The following JMJD1C variants were observed in gnomAD, a reference collection of about 807,000 sequenced individuals.
The protein encoded by JMJD1C is jumonji domain-containing protein 1C.
A neutral mutation model predicts 245.3 loss-of-function variants in JMJD1C; 31 were observed. The observed-to-expected ratio is 0.13, with a 90% CI of 0.09 to 0.17. JMJD1C has a LOEUF of 0.17. Among genes scored for constraint, JMJD1C ranks in the 10% least tolerant of loss-of-function variants. JMJD1C has a pLI of 1.00. For missense variants in JMJD1C, 2,691 were observed against 3,000.2 expected (o/e 0.90, Z 2.41); for synonymous variants, 1,057 against 1,017.4 (o/e 1.04, Z -0.74).
chr10:63,389,444 CTTTTT>C (rs374747144), intron 1 of JMJD1C, among the ~76,000 whole-genome samples: 4 of 139,910 alleles, frequency 2.9e-5, no homozygotes, highest in African/African-American at 1.0e-4. Flanking sequence ...TTTTGTTTTT[CTTTTT>C]TTTTTCCTTT....
intron 3 of JMJD1C, among the ~76,000 whole-genome samples, chr10:63,250,786 G>C (rs944984473): frequency 2.0e-4 from 30 of 152,080 alleles, no homozygotes; most frequent in African/African-American, 7.2e-4. Context: ...CGTTACCCTG[G>C]CTTGAGTGCA....
intron 3 of JMJD1C, among the ~76,000 whole-genome samples, chr10:63,253,905 ATG>A (rs1853467244): frequency 6.6e-6 from 1 of 151,932 alleles, no homozygotes. Flanking sequence ...TTGTTTTTCT[ATG>A]TGTGTTTCCC....
Position 63,295,957 on chromosome 10 carries a change from ATATGTGTGTG to A in JMJD1C, c.334-31203_334-31194del, listed in dbSNP as rs1174398385. Among the ~76,000 whole-genome samples the A allele has an allele frequency of 1.6e-3, 152 of 94,534 alleles. 5 individuals carry two copies. Among genetic ancestry groups the A allele is most frequent in the African/African-American group, 6.5e-3 (147 of 22,694 alleles). 62.0% of individuals were successfully genotyped at this position (94,534 alleles called of 152,430 possible). On this transcript the variant is annotated intron_variant, in intron 2 of 25. Transcript: ENST00000399262. ...TGTATACATATATATATATACACGT[ATATGTGTGTG>A]TGTGTGTGTGTGTGTGTGTGTGTGT...
chr10:63,510,259 TC>T (rs896383445), intron 1 of JMJD1C, among the ~76,000 whole-genome samples: 3 of 151,992 alleles, frequency 2.0e-5, no homozygotes, highest in Admixed American at 6.6e-5. Context: ...CCCCTCGGCC[TC>T]CCAAAGTGCT....
intron 2 of JMJD1C, among the ~76,000 whole-genome samples, chr10:63,289,037 G>A (rs1359634361): frequency 2.0e-5 from 3 of 151,618 alleles, no homozygotes; most frequent in Admixed American, 2.0e-4. Context: ...CTTAGTTCTT[G>A]CAATAAATTG....
At chr10:63,259,835 C>T (rs949481696) in intron 3 of JMJD1C, among the ~76,000 whole-genome samples, 2 of 152,168 alleles carry the variant, frequency 1.3e-5, no homozygotes, top group African/African-American at 4.8e-5. Flanking sequence ...GTTCAATGTC[C>T]ATACTCTACA....
At chr10:63,222,082 T>C in intron 3 of JMJD1C, 1 of 520,244 alleles carries the variant, frequency 1.9e-6, no homozygotes, top group South Asian at 1.9e-5. Flanking sequence ...GACAGCAAGT[T>C]CTTTTAAAAT....
intron 2 of JMJD1C, among the ~76,000 whole-genome samples, chr10:63,362,544 A>G (rs1324424257): frequency 1.3e-5 from 2 of 151,986 alleles, no homozygotes; most frequent in African/African-American, 2.4e-5. Context: ...CAGTGGCACA[A>G]TGACAGCTCA....
intron 1 of JMJD1C, among the ~76,000 whole-genome samples, chr10:63,409,280 C>T (rs1949350815): frequency 6.6e-6 from 1 of 152,122 alleles, no homozygotes; most frequent in East Asian, 1.9e-4. Context: ...GAACTGGCAA[C>T]CAAAATGAGT....
At position 63,168,584 on chromosome 10, in the gene JMJD1C, A is replaced by AC. The variant is rs779521920; in HGVS notation, c.7402-19dup. 5 of 1,551,364 alleles carry AC rather than the reference A, an allele frequency of 3.2e-6. No homozygotes were observed. Among genetic ancestry groups the AC allele is most frequent in the Non-Finnish European group, 4.3e-6 (5 of 1,156,164 alleles). ...TTCTGAACCTATCCCCAAAAGAAAAACCGTGAAATACAAGTTTTAGGAGGT... is the reference window on the plus strand; with the variant it reads ...TTCTGAACCTATCCCCAAAAGAAAAACCCGTGAAATACAAGTTTTAGGAGGT... On this transcript the variant is annotated intron_variant, in intron 24 of 25. Transcript: ENST00000399262.
Position 63,207,389 on chromosome 10 carries a change from G to C in JMJD1C, c.4280C>G (p.Ser1427Cys). 6.2e-7 allele frequency: 1 copy of C among 1,614,078 alleles called. No individual in the cohort carries two copies. ...ISSLSNTILASTSSECVSSKS... is the reference protein window; with the variant it reads ...ISSLSNTILACTSSECVSSKS... ...TGAAGATACACATTCTGATGATGTA[G>C]AGGCCAAAATGGTATTTGATAAAGA... Residue 1427 changes from serine (S) to cysteine (C), a missense_variant, in exon 10 of 26, where the codon TCT becomes TGT. Coordinates refer to ENST00000399262, the MANE Select transcript of JMJD1C (RefSeq NM_032776.3).
intron 2 of JMJD1C, among the ~76,000 whole-genome samples, chr10:63,278,523 C>CA (rs1857048779): frequency 6.6e-6 from 1 of 150,406 alleles, no homozygotes; most frequent in Admixed American, 6.6e-5. Flanking sequence ...ACTCCATCTC[C>CA]AAAAAAATCA....
At chr10:63,190,181 G>T (rs897739744) in intron 17 of JMJD1C, among the ~76,000 whole-genome samples, 9 of 151,210 alleles carry the variant, frequency 6.0e-5, no homozygotes, top group Non-Finnish European at 1.0e-4. Context: ...GATTACAGGC[G>T]TAAGCCACCA....
chr10:63,263,539 C>A (rs1855067430), intron 3 of JMJD1C, among the ~76,000 whole-genome samples: 1 of 152,148 alleles, frequency 6.6e-6, no homozygotes, highest in Admixed American at 6.5e-5. Context: ...TAAACTGGTT[C>A]ACTCATCCTT....
At chr10:63,409,416 T>C (rs1016598711) in intron 1 of JMJD1C, among the ~76,000 whole-genome samples, 5 of 152,192 alleles carry the variant, frequency 3.3e-5, no homozygotes, top group Admixed American at 6.5e-5. Context: ...ATTTATGTGT[T>C]TCCTTAAAGC....
chr10:63,459,953 C>A (rs994642077), intron 1 of JMJD1C, among the ~76,000 whole-genome samples: 6 of 152,190 alleles, frequency 3.9e-5, no homozygotes, highest in African/African-American at 1.4e-4. Context: ...CTCTCTATGT[C>A]AGCTTTGCCT....
chr10:63,469,731 TATTA>T (rs10604570), upstream of JMJD1C, among the ~76,000 whole-genome samples: 5,277 of 152,250 alleles, frequency 0.035, 243 homozygotes, highest in African/African-American at 0.11. Context: ...TGAAGGCTTT[TATTA>T]ATTGTCAAAT....
chr10:63,495,857 G>A (rs1447201374), intron 1 of JMJD1C, among the ~76,000 whole-genome samples: 1 of 151,592 alleles, frequency 6.6e-6, no homozygotes, highest in Non-Finnish European at 1.5e-5. Context: ...AAAGTGAGCA[G>A]AGGAAAAGTT....
intron 14 of JMJD1C, 44 bp from the exon 15 acceptor site, chr10:63,193,516 G>C: frequency 7.1e-7 from 1 of 1,410,160 alleles, no homozygotes; most frequent in Non-Finnish European, 9.6e-7. Flanking sequence ...ACCACTAGTT[G>C]TTAATGCTGT....
Sources: allele counts gnomAD v4.1 joint callset (sites outside exome capture counted in the v4.1 genomes callset), GRCh38; gene constraint gnomAD v4.1.1; transcripts MANE v1.5; gene names NCBI Gene and HGNC (gene_info 2026-07-23, HGNC 2026-07-21).